The following GALNT8 variants were observed in gnomAD, a reference collection of about 807,000 sequenced individuals.
GALNT8 encodes polypeptide N-acetylgalactosaminyltransferase 8.
A neutral mutation model predicts 62.7 loss-of-function variants in GALNT8; 66 were observed. That is an observed-to-expected ratio of 1.05 (90% confidence interval 0.86 to 1.29). The LOEUF (loss-of-function observed/expected upper bound fraction) is 1.29. GALNT8 is among the 50% of genes most tolerant of loss of function. The pLI, the probability that GALNT8 is intolerant of heterozygous loss-of-function variation, is 0.00. For synonymous variants in GALNT8, 288 were observed against 294.3 expected, an observed-to-expected ratio of 0.98 and a Z score of 0.22; for missense variants, 771 against 791.8, an observed-to-expected ratio of 0.97 and a Z score of 0.32.
intron 7 of GALNT8, among the ~76,000 whole-genome samples, chr12:4,762,103 A>G (rs1946375933): frequency 6.6e-6 from 1 of 152,318 alleles, no homozygotes; most frequent in Middle Eastern, 3.4e-3. Flanking sequence ...CCAAGCTGCC[A>G]ATAACCTCTT....
chr12:4,764,238 G>A (rs1946387494), intron 9 of GALNT8, among the ~76,000 whole-genome samples, 191 bp downstream of exon 9: 1 of 152,216 alleles, frequency 6.6e-6, no homozygotes, highest in Non-Finnish European at 1.5e-5. Context: ...CCGTGGCAAC[G>A]TAGTTCCATT....
chr12:4,758,670 GAGAGAGAT>G (rs748648109), intron 6 of GALNT8, among the ~76,000 whole-genome samples: 4,284 of 147,704 alleles, frequency 0.029, 102 homozygotes, highest in Non-Finnish European at 0.044. Flanking sequence ...GAGAGAGAGA[GAGAGAGAT>G]GATGGAAGGA....
At chr12:4,724,569 TG>T (rs1433149284) in intron 1 of GALNT8, among the ~76,000 whole-genome samples, 2 of 152,190 alleles carry the variant, frequency 1.3e-5, no homozygotes, top group African/African-American at 4.8e-5. Context: ...CTGTGGCCCC[TG>T]TATGCTTAGG....
At chr12:4,768,367 A>G (rs1946408843) in intron 10 of GALNT8, 2 of 356,730 alleles carry the variant, frequency 5.6e-6, no homozygotes, top group South Asian at 2.4e-5. Flanking sequence ...TTCTAAAGAA[A>G]TAATATTTTT....
rs772174529 is a variant in GALNT8, at chr12:4,739,179, T to C, written c.526T>C (p.Tyr176His). 9 of 1,610,260 alleles carry C rather than the reference T, an allele frequency of 5.6e-6. No individual in the cohort carries two copies. The highest frequency in any genetic ancestry group is 8.5e-7 in the Non-Finnish European group (1 of 1,177,016). Residue 176 changes from tyrosine to histidine, a missense_variant, in exon 3 of 11, where the codon TAT becomes CAT. Physicochemically the swap from Tyr to His is moderately conservative, Grantham distance 83 (BLOSUM62 2). Coordinates refer to ENST00000252318, the MANE Select transcript of GALNT8 (RefSeq NM_017417.2). ...TRDYRCLRKTYPSQLPSLSVI... is the reference protein window; with the variant it reads ...TRDYRCLRKTHPSQLPSLSVI... ...CTCTTATAGATGTCTTCGGAAGACA[T>C]ATCCTTCCCAACTCCCATCCCTCAG...
chr12:4,761,781 T>C (rs1946374158), intron 7 of GALNT8, among the ~76,000 whole-genome samples: 2 of 152,214 alleles, frequency 1.3e-5, no homozygotes, highest in South Asian at 4.1e-4. Flanking sequence ...AAGGTCGTGC[T>C]GTGCTCTCTC....
chr12:4,736,235 TTA>T (rs1565383530), intron 2 of GALNT8, among the ~76,000 whole-genome samples: 1 of 152,168 alleles, frequency 6.6e-6, no homozygotes. Context: ...CACTAGGGGC[TTA>T]GGGCCAACCT....
chr12:4,755,973 G>A (rs552640844), intron 6 of GALNT8, among the ~76,000 whole-genome samples: 2 of 152,282 alleles, frequency 1.3e-5, no homozygotes, highest in South Asian at 4.1e-4. Context: ...CTCTTCTTAC[G>A]GTGTGTAAGA....
At chr12:4,723,691 A>G (rs1323272139) in intron 1 of GALNT8, among the ~76,000 whole-genome samples, 2 of 150,598 alleles carry the variant, frequency 1.3e-5, no homozygotes, top group Admixed American at 6.6e-5. Context: ...TCAGAGACTC[A>G]CTACCACCTG....
At chr12:4,768,190 A>C (rs1055005891) in intron 10 of GALNT8, among the ~76,000 whole-genome samples, 4 of 152,168 alleles carry the variant, frequency 2.6e-5, no homozygotes, top group African/African-American at 9.6e-5. Context: ...TCAAATACAC[A>C]TTTTAAAATT....
chr12:4,725,762 G>A (rs1180228435), intron 1 of GALNT8, among the ~76,000 whole-genome samples: 1 of 152,022 alleles, frequency 6.6e-6, no homozygotes, highest in Non-Finnish European at 1.5e-5. Flanking sequence ...CACCATGTTG[G>A]CCAGGCTGGT....
At chr12:4,765,969 C>G (rs909199904) in intron 10 of GALNT8, among the ~76,000 whole-genome samples, 1 of 152,136 alleles carries the variant, frequency 6.6e-6, no homozygotes, top group Admixed American at 6.5e-5. Context: ...TTGGTAGAGA[C>G]GGGGTTTCAC....
At chr12:4,762,785 A>G (rs1054325625) in intron 7 of GALNT8, among the ~76,000 whole-genome samples, 9 of 152,272 alleles carry the variant, frequency 5.9e-5, no homozygotes, top group Admixed American at 3.3e-4. Context: ...CTGTTAAAAG[A>G]AAAACTTCAG....
At chr12:4,759,752 G>A (rs903734170) in intron 6 of GALNT8, among the ~76,000 whole-genome samples, 5 of 152,104 alleles carry the variant, frequency 3.3e-5, no homozygotes, top group African/African-American at 1.2e-4. Flanking sequence ...ATTGGCATGA[G>A]CGTGGTAGGT....
At chr12:4,722,062 G>A (rs1320728503) in intron 1 of GALNT8, among the ~76,000 whole-genome samples, 1 of 152,170 alleles carries the variant, frequency 6.6e-6, no homozygotes, top group Non-Finnish European at 1.5e-5. Context: ...GGGAGCACGG[G>A]GTTGGGGGTA....
chr12:4,756,123 A>G (rs1216605647), intron 6 of GALNT8, among the ~76,000 whole-genome samples: 1 of 152,262 alleles, frequency 6.6e-6, no homozygotes, highest in African/African-American at 2.4e-5. Context: ...TCAATTTAGA[A>G]GAGATTTTGT....
At chr12:4,746,082 A>G in intron 5 of GALNT8, 62 bp from the exon 6 acceptor site, 1 of 918,322 alleles carries the variant, frequency 1.1e-6, no homozygotes, top group Non-Finnish European at 1.8e-6. Context: ...ATCATTGAGC[A>G]TCCCACCCCT....
chr12:4,762,511 A>G (rs138799547), intron 7 of GALNT8, among the ~76,000 whole-genome samples: 2 of 152,326 alleles, frequency 1.3e-5, no homozygotes, highest in East Asian at 3.9e-4. Flanking sequence ...TTCTGGCCAT[A>G]TCATGAGGAG....
At chr12:4,755,146 A>T (rs1025677037) in intron 6 of GALNT8, among the ~76,000 whole-genome samples, 90 of 151,984 alleles carry the variant, frequency 5.9e-4, no homozygotes, top group African/African-American at 2.0e-3. Flanking sequence ...CCCCCAATCC[A>T]CTGTCTCTGG....
Sources: gnomAD v4.1 joint callset for allele counts (sites outside exome capture counted in the v4.1 genomes callset) on GRCh38, gnomAD v4.1.1 for gene constraint, MANE v1.5 for transcripts, NCBI Gene and HGNC (gene_info 2026-07-23, HGNC 2026-07-21) for gene names.